Variants in PRKCE observed in about 807,000 individuals in gnomAD.
The protein encoded by PRKCE is protein kinase C epsilon.
In PRKCE, 16 loss-of-function variants were observed where a neutral mutation model predicts 85.4. The observed-to-expected ratio is 0.19, with a 90% CI of 0.13 to 0.28. The LOEUF (loss-of-function observed/expected upper bound fraction) is 0.28, where lower values mean the gene tolerates loss of function less well. Ranked by LOEUF, PRKCE falls within the 10% of genes least tolerant of loss-of-function variation. PRKCE has a pLI of 1.00. For missense variants in PRKCE, 573 were observed against 975.2 expected, an observed-to-expected ratio of 0.59 and a Z score of 5.49; for synonymous variants, 388 against 371.5, an observed-to-expected ratio of 1.04 and a Z score of -0.51.
At chr2:46,071,643 C>T (rs2103738458) in intron 10 of PRKCE, among the ~76,000 whole-genome samples, 1 of 152,322 alleles carries the variant, frequency 6.6e-6, no homozygotes, top group Admixed American at 6.5e-5. Flanking sequence ...AGTGCCCAAA[C>T]AGGGACTGAC....
intron 2 of PRKCE, among the ~76,000 whole-genome samples, chr2:45,860,281 G>A (rs889986571): frequency 2.6e-5 from 4 of 152,200 alleles, no homozygotes; most frequent in Non-Finnish European, 5.9e-5. Context: ...CCCAAATGCT[G>A]TGTTTAGGGG....
intron 2 of PRKCE, among the ~76,000 whole-genome samples, chr2:45,966,946 G>A (rs1455415452): frequency 6.6e-6 from 1 of 152,198 alleles, no homozygotes. Context: ...GTTTCTGGAA[G>A]TCAGTATTGG....
intron 1 of PRKCE, among the ~76,000 whole-genome samples, chr2:45,798,483 T>C (rs896507050): frequency 3.9e-5 from 6 of 152,196 alleles, no homozygotes; most frequent in Non-Finnish European, 8.8e-5. Context: ...ATACAATGTG[T>C]CCAAATATTG....
intron 10 of PRKCE, among the ~76,000 whole-genome samples, chr2:46,079,525 G>T (rs1359613963): frequency 6.6e-6 from 1 of 152,240 alleles, no homozygotes; most frequent in Non-Finnish European, 1.5e-5. Flanking sequence ...ATGGAGGGGA[G>T]AAGATGTTTC....
rs1347570913 is a variant in PRKCE, at chr2:45,949,376, C to T, written c.413-27053C>T. Among the ~76,000 whole-genome samples the T allele has an allele frequency of 4.9e-5, 7 of 144,014 alleles. No homozygotes were observed. The South Asian group carries it at 6.6e-4, about 14-fold the overall frequency. 94.5% of individuals were successfully genotyped at this position (144,014 alleles called of 152,430 possible). Reference sequence around the variant, plus strand: ...AAAATATTCTTTTAGGACTATTGGCCGATGAATTGTTCATTTATTTTGCTT... The same window carrying T: ...AAAATATTCTTTTAGGACTATTGGCTGATGAATTGTTCATTTATTTTGCTT... On this transcript the variant is annotated intron_variant, in intron 2 of 14. Coordinates refer to ENST00000306156, the MANE Select transcript of PRKCE (RefSeq NM_005400.3).
At chr2:45,829,276 A>G (rs138007697) in intron 1 of PRKCE, among the ~76,000 whole-genome samples, 33 of 152,306 alleles carry the variant, frequency 2.2e-4, no homozygotes, top group South Asian at 1.9e-3. Context: ...GTCAATTTAC[A>G]TTTCGTCGGC....
chr2:46,174,668 T>C (rs1679253506), intron 14 of PRKCE, among the ~76,000 whole-genome samples: 1 of 151,900 alleles, frequency 6.6e-6, no homozygotes, highest in South Asian at 2.1e-4. Context: ...CCCCACTCAT[T>C]AGAGAGAAAA....
chr2:45,855,270 G>C (rs1048054477), intron 2 of PRKCE, among the ~76,000 whole-genome samples: 1 of 152,168 alleles, frequency 6.6e-6, no homozygotes, highest in African/African-American at 2.4e-5. Flanking sequence ...GGCTTACACT[G>C]TAAGAAGGTA....
At position 46,076,362 on chromosome 2, in the gene PRKCE, T is replaced by A. The variant is rs553440720; in HGVS notation, c.1438-9846T>A. Among the ~76,000 whole-genome samples, 4 of 152,364 alleles carry A rather than the reference T, an allele frequency of 2.6e-5. 1 individual carries two copies. The South Asian group carries it at 8.3e-4, about 32-fold the overall frequency. The stretch of plus-strand genomic sequence containing the variant: ...CCTGGAAAAGGAAAGTGTTCTCTGA[T>A]CTATTGGACCAAAACTTTTCTTCTT... On this transcript the variant is annotated intron_variant, in intron 10 of 14. Coordinates refer to ENST00000306156, the MANE Select transcript of PRKCE (RefSeq NM_005400.3).
chr2:46,082,686 G>A (rs6712557), intron 10 of PRKCE, among the ~76,000 whole-genome samples: 34,373 of 152,036 alleles, frequency 0.23, 4,217 homozygotes, highest in African/African-American at 0.3. Flanking sequence ...GGGAAGAGGC[G>A]AAGCCCATGA....
intron 2 of PRKCE, among the ~76,000 whole-genome samples, chr2:45,850,216 C>G (rs567481515): frequency 1.3e-5 from 2 of 152,120 alleles, no homozygotes; most frequent in Admixed American, 6.5e-5. Context: ...ATTACAGGAG[C>G]GTAGATATAT....
intron 10 of PRKCE, among the ~76,000 whole-genome samples, chr2:46,029,159 A>T (rs1340944944): frequency 6.6e-6 from 1 of 152,144 alleles, no homozygotes; most frequent in Non-Finnish European, 1.5e-5. Flanking sequence ...AAAGCTCTTT[A>T]CGTATGTTGA....
At chr2:45,838,975 G>A (rs1276716931) in intron 1 of PRKCE, among the ~76,000 whole-genome samples, 1 of 152,020 alleles carries the variant, frequency 6.6e-6, no homozygotes, top group African/African-American at 2.4e-5. Flanking sequence ...GCTAAGCACT[G>A]TGCATAGATT....
At chr2:46,077,659 AAAC>A (rs1668677067) in intron 10 of PRKCE, among the ~76,000 whole-genome samples, 1 of 152,234 alleles carries the variant, frequency 6.6e-6, no homozygotes, top group Admixed American at 6.5e-5. Flanking sequence ...ATGACTTTTT[AAAC>A]ATCATTAAGG....
intron 2 of PRKCE, among the ~76,000 whole-genome samples, chr2:45,850,952 T>C (rs746597209): frequency 4.6e-5 from 7 of 152,252 alleles, no homozygotes; most frequent in Non-Finnish European, 7.3e-5. Flanking sequence ...AGGAAGCTCA[T>C]GCTCTGCTAG....
intron 2 of PRKCE, among the ~76,000 whole-genome samples, chr2:45,875,712 G>A (rs1288843977): frequency 6.6e-6 from 1 of 152,178 alleles, no homozygotes; most frequent in Non-Finnish European, 1.5e-5. Flanking sequence ...GGGGTGGTGA[G>A]CTCCCATCCC....
In PRKCE at chr2:45,660,164, G is replaced by T. The variant is rs190274049; in HGVS notation, c.348+7716G>T. On this transcript the variant is annotated intron_variant, in intron 1 of 14. Coordinates refer to ENST00000306156, the MANE Select transcript of PRKCE (RefSeq NM_005400.3). ...TGGGGTTTGGTAACACAAAAGTTGTGTATGTGTAGTTCCTGCCTCTGAGGA... is the reference window on the plus strand; with the variant it reads ...TGGGGTTTGGTAACACAAAAGTTGTTTATGTGTAGTTCCTGCCTCTGAGGA... Among the ~76,000 whole-genome samples, 32 of 152,332 alleles carry T rather than the reference G, an allele frequency of 2.1e-4. No individual in the cohort carries two copies. The East Asian group carries it at 6.0e-3, about 28-fold the overall frequency.
intron 1 of PRKCE, among the ~76,000 whole-genome samples, chr2:45,737,961 A>T (rs1189088151): frequency 6.6e-6 from 1 of 151,946 alleles, no homozygotes; most frequent in African/African-American, 2.4e-5. Flanking sequence ...CCCTGGCTTG[A>T]ACCCTTTGTT....
chr2:45,827,416 TC>T (rs1362436829), intron 1 of PRKCE, among the ~76,000 whole-genome samples: 1 of 152,216 alleles, frequency 6.6e-6, no homozygotes, highest in African/African-American at 2.4e-5. Context: ...GGAAATATCT[TC>T]CCTTGTGGTT....
Sources: gnomAD v4.1 joint callset for allele counts (sites outside exome capture counted in the v4.1 genomes callset) on GRCh38, gnomAD v4.1.1 for gene constraint, MANE v1.5 for transcripts, NCBI Gene and HGNC (gene_info 2026-07-23, HGNC 2026-07-21) for gene names.